FBRSL1: variants seen among roughly 807,000 people sequenced by gnomAD.
The protein encoded by FBRSL1 is fibrosin like 1, also known as fibrosin-1-like protein.
FBRSL1 carries 51 observed loss-of-function variants against 89.6 expected under a neutral mutation model. The ratio of observed to expected loss-of-function variants is 0.57; its 90% CI spans 0.45 to 0.72. The LOEUF (loss-of-function observed/expected upper bound fraction) is 0.72. Ranked by LOEUF, FBRSL1 falls within the 30% of genes least tolerant of loss-of-function variation. The probability of loss-of-function intolerance (pLI) is 0.00; values close to 1 mark genes in which losing one functional copy is unlikely to be tolerated. For missense variants in FBRSL1, 1,618 were observed against 1,451.8 expected (o/e 1.11, Z -1.86); for synonymous variants, 779 against 681.1 (o/e 1.14, Z -2.24).
chr12:132,502,597 G>A (rs778689373), intron 1 of FBRSL1, among the ~76,000 whole-genome samples: 14 of 152,076 alleles, frequency 9.2e-5, no homozygotes, highest in Non-Finnish European at 2.1e-4. Context: ...GCCCCTATCA[G>A]ACGGTTCTCC....
intron 3 of FBRSL1, 142 bp downstream of exon 3, chr12:132,525,965 C>T (rs1593344297): frequency 1.5e-6 from 1 of 670,450 alleles, no homozygotes; most frequent in Non-Finnish European, 2.5e-6. Flanking sequence ...GTCTGGGCCC[C>T]CTGCCCGCTG....
In FBRSL1 at chr12:132,581,750, G is replaced by GC; in HGVS notation, c.1923dup (p.Arg642GlnfsTer47). 1 of 1,550,160 alleles carries GC rather than the reference G, an allele frequency of 6.5e-7. No individual in the cohort carries two copies. The highest frequency in any genetic ancestry group is 2.0e-5 in the Admixed American group (1 of 50,992). On this transcript the variant is annotated frameshift_variant, in exon 17 of 19. Coordinates refer to ENST00000680143, the MANE Select transcript of FBRSL1 (RefSeq NM_001367871.1). LOFTEE classifies it high-confidence loss of function. ...GCGGTTGCCCCCACAGACCCTTTCA[G>GC]CAGACCGAGCACCTTTGGGGGCCTG...
chr12:132,576,904 C>G lies in FBRSL1; in HGVS notation c.1807C>G (p.Leu603Val). 1 of 1,550,666 alleles carries G rather than the reference C, an allele frequency of 6.4e-7. No homozygotes were observed. Among genetic ancestry groups the G allele is most frequent in the Non-Finnish European group, 8.7e-7 (1 of 1,146,804 alleles). The change falls in exon 15 of 19, where the codon CTG (leucine) becomes GTG (valine). Residue 603 changes from leucine to valine, a missense_variant. By Grantham distance (32) the Leu-to-Val change is conservative. Transcript: ENST00000680143. ...TGCAGGCTTCCACTACCCACAGGAC[C>G]TGGCCCGGCCCCTCTTCCCCAGCAC... ...VFAGFHYPQD[L>V]ARPLFPSTGA...
At position 132,556,414 on chromosome 12, in the gene FBRSL1, C is replaced by T. The variant is rs182886695; in HGVS notation, c.645+8382C>T. ...CAGCAGGCGCAGGCCCTACCCCCCACGCCACGACTCAAGGCCCAAGCCTGC... is the reference window on the plus strand; with the variant it reads ...CAGCAGGCGCAGGCCCTACCCCCCATGCCACGACTCAAGGCCCAAGCCTGC... On this transcript the variant is annotated intron_variant, in intron 5 of 18. Coordinates refer to ENST00000680143, the MANE Select transcript of FBRSL1 (RefSeq NM_001367871.1). Among the ~76,000 whole-genome samples, 14 of 152,270 alleles carry T rather than the reference C, an allele frequency of 9.2e-5. No individual in the cohort carries two copies. The East Asian group carries it at 9.7e-4, about 11-fold the overall frequency.
At chr12:132,493,392 G>T (rs546825692) in intron 1 of FBRSL1, among the ~76,000 whole-genome samples, 1 of 152,336 alleles carries the variant, frequency 6.6e-6, no homozygotes, top group African/African-American at 2.4e-5. Flanking sequence ...CACTGCAGTG[G>T]TATAAACAAC....
chr12:132,548,260 A>ACAC (rs1230990221), intron 5 of FBRSL1, among the ~76,000 whole-genome samples: 1 of 152,072 alleles, frequency 6.6e-6, no homozygotes, highest in African/African-American at 2.4e-5. Context: ...GTCTGGAGGG[A>ACAC]CACAGGCCCA....
At chr12:132,531,362 T>G (rs1393142046) in intron 4 of FBRSL1, among the ~76,000 whole-genome samples, 2 of 152,086 alleles carry the variant, frequency 1.3e-5, no homozygotes, top group Admixed American at 1.3e-4. Context: ...CATGTGTGTG[T>G]GGGCGTGTGT....
chr12:132,490,528 C>CG lies in FBRSL1; in HGVS notation c.-39dup. On this transcript the variant is annotated 5_prime_UTR_variant, in exon 1 of 19. Transcript: ENST00000680143. Reference sequence around the variant, plus strand: ...GAGCCCGCCTGCTGCGAGCCAGGCGCGGGGCGTCAAGGTCACCGGCCCGAC... The same window carrying CG: ...GAGCCCGCCTGCTGCGAGCCAGGCGCGGGGGCGTCAAGGTCACCGGCCCGAC... 1.0e-6 allele frequency: 1 copy of CG among 977,736 alleles called. No individual in the cohort carries two copies. The highest frequency in any genetic ancestry group is 1.2e-6 in the Non-Finnish European group (1 of 825,768). 60.6% of individuals were successfully genotyped at this position (977,736 alleles called of 1,614,324 possible).
At chr12:132,525,668 A>G in intron 2 of FBRSL1, 66 bp from the exon 3 acceptor site, 1 of 1,350,690 alleles carries the variant, frequency 7.4e-7, no homozygotes, top group Admixed American at 2.0e-5. Context: ...AGCCCTAGCC[A>G]GGGGGCCCCG....
intron 8 of FBRSL1, 79 bp downstream of exon 8, chr12:132,570,619 G>A: frequency 2.4e-6 from 3 of 1,252,458 alleles, no homozygotes; most frequent in South Asian, 3.2e-5. Flanking sequence ...GGGGCGCACA[G>A]CCTGGCCCTC....
intron 4 of FBRSL1, among the ~76,000 whole-genome samples, chr12:132,537,623 G>T (rs758373146): frequency 6.6e-6 from 1 of 152,232 alleles, no homozygotes; most frequent in Non-Finnish European, 1.5e-5. Flanking sequence ...TTCTGGAATT[G>T]TATTGGGGCT....
chr12:132,578,343 TCACACACACA>T (rs3221291), intron 15 of FBRSL1, among the ~76,000 whole-genome samples: 1 of 141,008 alleles, frequency 7.1e-6, no homozygotes, highest in Admixed American at 7.2e-5. Context: ...AGACCCTGTC[TCACACACACA>T]CACACACACA....
chr12:132,533,224 C>CAGCCTCTCCCTGGAGTCACAG (rs2036446223), intron 4 of FBRSL1, among the ~76,000 whole-genome samples: 1 of 147,550 alleles, frequency 6.8e-6, no homozygotes, highest in Non-Finnish European at 1.5e-5. Flanking sequence ...CCTCCCGACC[C>CAGCCTCTCCCTGGAGTCACAG]AGCCACAGTC....
chr12:132,529,406 G>A (rs995303000), intron 4 of FBRSL1, among the ~76,000 whole-genome samples: 2 of 152,192 alleles, frequency 1.3e-5, no homozygotes, highest in Non-Finnish European at 2.9e-5. Context: ...CCAGCCTCAT[G>A]GGCAGGAATT....
At chr12:132,506,473 C>G (rs1207899506) in intron 1 of FBRSL1, among the ~76,000 whole-genome samples, 2 of 152,236 alleles carry the variant, frequency 1.3e-5, no homozygotes, top group African/African-American at 4.8e-5. Flanking sequence ...CCCTCTGACT[C>G]TTTGCCCAGT....
chr12:132,578,615 C>CGCACACGT, intron 15 of FBRSL1, among the ~76,000 whole-genome samples: 1 of 152,188 alleles, frequency 6.6e-6, no homozygotes, highest in Non-Finnish European at 1.5e-5. Context: ...CAGGCACAGG[C>CGCACACGT]ACACACATGG....
chr12:132,567,446 C>T (rs945499642), intron 5 of FBRSL1, 35 bp from the exon 6 acceptor site: 1 of 1,550,068 alleles, frequency 6.5e-7, no homozygotes, highest in Non-Finnish European at 8.7e-7. Flanking sequence ...TGAGGACCAC[C>T]CTGACTGCCC....
chr12:132,560,613 G>T (rs534696895), intron 5 of FBRSL1, among the ~76,000 whole-genome samples: 2 of 152,158 alleles, frequency 1.3e-5, no homozygotes, highest in Non-Finnish European at 2.9e-5. Flanking sequence ...GCTGGCCCAG[G>T]CTGCGCCGCG....
At chr12:132,500,456 C>T (rs1400233592) in intron 1 of FBRSL1, among the ~76,000 whole-genome samples, 1 of 152,152 alleles carries the variant, frequency 6.6e-6, no homozygotes, top group Non-Finnish European at 1.5e-5. Flanking sequence ...GGCCTGGGCT[C>T]ATGGGGCCGG....
Sources: gnomAD v4.1 joint callset for allele counts (sites outside exome capture counted in the v4.1 genomes callset) on GRCh38, gnomAD v4.1.1 for gene constraint, MANE v1.5 for transcripts, NCBI Gene and HGNC (gene_info 2026-07-23, HGNC 2026-07-21) for gene names.